The following MAMDC2 variants were observed in gnomAD, a reference collection of about 807,000 sequenced individuals.
The protein encoded by MAMDC2 is MAM domain containing 2.
Under a neutral mutation model 89.8 loss-of-function variants are expected in MAMDC2, and 57 were observed. That is an observed-to-expected ratio of 0.63 (90% CI 0.51 to 0.79). MAMDC2 has a LOEUF of 0.79. Among genes scored for constraint, MAMDC2 ranks in the 30% least tolerant of loss-of-function variants. The probability of loss-of-function intolerance (pLI) is 0.00; values close to 1 mark genes in which losing one functional copy is unlikely to be tolerated. For missense variants in MAMDC2, 800 were observed against 820.6 expected, an observed-to-expected ratio of 0.97 and a Z score of 0.31; for synonymous variants, 313 against 293.4, an observed-to-expected ratio of 1.07 and a Z score of -0.68.
intron 11 of MAMDC2, among the ~76,000 whole-genome samples, chr9:70,210,791 G>T (rs1368756164): frequency 1.2e-5 from 1 of 82,416 alleles, no homozygotes; most frequent in Admixed American, 1.5e-4. Flanking sequence ...TTCATGTTTA[G>T]TGCTTCCTTC....
intron 2 of MAMDC2, among the ~76,000 whole-genome samples, chr9:70,105,536 C>T (rs991462151): frequency 6.6e-6 from 1 of 152,028 alleles, no homozygotes; most frequent in African/African-American, 2.4e-5. Context: ...CTAAGAGGCA[C>T]GTTCACATGG....
chr9:70,164,119 C>T (rs1211448027), intron 9 of MAMDC2, among the ~76,000 whole-genome samples: 1 of 152,118 alleles, frequency 6.6e-6, no homozygotes, highest in Non-Finnish European at 1.5e-5. Flanking sequence ...TTGGCAATGT[C>T]TGAAGAAGTT....
At chr9:70,079,448 G>A (rs764042418) in intron 2 of MAMDC2, 14 of 152,164 alleles carry the variant, frequency 9.2e-5, no homozygotes, top group Admixed American at 2.6e-4. Flanking sequence ...ACCCAGCAGA[G>A]CACCATGAGT....
chr9:70,178,715 C>T (rs1377779475), intron 11 of MAMDC2, among the ~76,000 whole-genome samples: 2 of 152,052 alleles, frequency 1.3e-5, no homozygotes, highest in African/African-American at 4.8e-5. Context: ...TCCTGAATAC[C>T]CACTATGCAT....
At chr9:70,070,768 G>C (rs1472707205) in intron 2 of MAMDC2, among the ~76,000 whole-genome samples, 2 of 151,960 alleles carry the variant, frequency 1.3e-5, no homozygotes, top group Non-Finnish European at 2.9e-5. Flanking sequence ...TGTACTTACT[G>C]TCTTATCCCA....
At chr9:70,070,660 T>A (rs1827381899) in intron 2 of MAMDC2, among the ~76,000 whole-genome samples, 1 of 152,194 alleles carries the variant, frequency 6.6e-6, no homozygotes, top group Non-Finnish European at 1.5e-5. Flanking sequence ...TATGATATAG[T>A]CTTGTGGCCT....
intron 11 of MAMDC2, among the ~76,000 whole-genome samples, chr9:70,176,210 TCTC>T (rs1376738025): frequency 6.6e-6 from 1 of 152,206 alleles, no homozygotes; most frequent in Non-Finnish European, 1.5e-5. Context: ...TGTCCTACCT[TCTC>T]CTCATAAATA....
chr9:70,147,728 A>G (rs984956796), intron 9 of MAMDC2, among the ~76,000 whole-genome samples: 2 of 150,428 alleles, frequency 1.3e-5, no homozygotes, highest in Non-Finnish European at 3.0e-5. Context: ...ATATTCCTAC[A>G]GTTAAGCCTT....
At chr9:70,178,095 GGTGTGAGCTCAAT>G (rs1377583295) in intron 11 of MAMDC2, among the ~76,000 whole-genome samples, 1 of 152,166 alleles carries the variant, frequency 6.6e-6, no homozygotes, top group Non-Finnish European at 1.5e-5. Context: ...AGCCTCTAAT[GGTGTGAGCTCAAT>G]GTGGCTGATG....
chr9:70,216,007 T>G (rs1336461603), intron 11 of MAMDC2, among the ~76,000 whole-genome samples: 3 of 152,174 alleles, frequency 2.0e-5, no homozygotes, highest in Non-Finnish European at 4.4e-5. Context: ...GATGTCTCGA[T>G]TGCCATATTT....
At chr9:70,195,135 A>G (rs951446963) in intron 11 of MAMDC2, among the ~76,000 whole-genome samples, 1 of 152,120 alleles carries the variant, frequency 6.6e-6, no homozygotes, top group Admixed American at 6.6e-5. Flanking sequence ...GAATAATAGT[A>G]CAAATATGGA....
intron 11 of MAMDC2, among the ~76,000 whole-genome samples, chr9:70,196,564 T>C (rs2032978509): frequency 6.6e-6 from 1 of 152,134 alleles, no homozygotes; most frequent in East Asian, 1.9e-4. Flanking sequence ...GATTCAAAAA[T>C]AGGTTTGGAC....
chr9:70,202,207 C>T (rs958450363), intron 11 of MAMDC2, among the ~76,000 whole-genome samples: 5 of 149,696 alleles, frequency 3.3e-5, no homozygotes, highest in African/African-American at 1.2e-4. Flanking sequence ...ATAAATTTCC[C>T]TCTACACACT....
intron 11 of MAMDC2, among the ~76,000 whole-genome samples, chr9:70,188,994 A>T (rs1423048123): frequency 6.6e-6 from 1 of 152,026 alleles, no homozygotes; most frequent in African/African-American, 2.4e-5. Context: ...TCCTTCCATT[A>T]TTCTATCATG....
chr9:70,149,115 G>A (rs1426927455), intron 9 of MAMDC2, among the ~76,000 whole-genome samples: 2 of 149,556 alleles, frequency 1.3e-5, no homozygotes, highest in East Asian at 3.9e-4. Context: ...GGAGGCTGAG[G>A]CAGGAGAATT....
rs187112170 is a variant in MAMDC2, at chr9:70,210,030, T to A, written c.1652-8307T>A. On this transcript the variant is annotated intron_variant, in intron 11 of 13. Coordinates refer to ENST00000377182, the MANE Select transcript of MAMDC2 (RefSeq NM_153267.5). ...TGTTATAATTTCTGTTCTTTTACAT[T>A]TGCTGAGGAATGGTTTACTTCCAAC... Among the ~76,000 whole-genome samples, 5 of 152,362 alleles carry A rather than the reference T, an allele frequency of 3.3e-5. No individual in the cohort carries two copies. In the East Asian group the frequency reaches 9.6e-4, roughly 29 times the overall value.
intron 11 of MAMDC2, among the ~76,000 whole-genome samples, chr9:70,209,462 G>A (rs2033303187): frequency 6.6e-6 from 1 of 152,028 alleles, no homozygotes; most frequent in Admixed American, 6.5e-5. Context: ...TATTTCTGTA[G>A]GATCAGTTGT....
chr9:70,092,406 T>A (rs1827922393), intron 2 of MAMDC2: 1 of 152,204 alleles, frequency 6.6e-6, no homozygotes, highest in South Asian at 2.1e-4. Flanking sequence ...TCTCAGCCAA[T>A]GCGAATGTGG....
intron 9 of MAMDC2, among the ~76,000 whole-genome samples, chr9:70,162,248 A>G (rs2031998637): frequency 6.6e-6 from 1 of 152,216 alleles, no homozygotes; most frequent in Admixed American, 6.5e-5. Context: ...CTTTAACACA[A>G]ACAGTCCTTT....
Sources: allele counts gnomAD v4.1 joint callset (sites outside exome capture counted in the v4.1 genomes callset), GRCh38; gene constraint gnomAD v4.1.1; transcripts MANE v1.5; gene names NCBI Gene and HGNC (gene_info 2026-07-23, HGNC 2026-07-21).